The following NAALADL2 variants were observed in gnomAD, a reference collection of about 807,000 sequenced individuals.
The protein encoded by NAALADL2 is inactive N-acetylated-alpha-linked acidic dipeptidase-like protein 2.
Under a neutral mutation model 87.2 loss-of-function variants are expected in NAALADL2, and 76 were observed. The observed-to-expected ratio is 0.87, with a 90% CI of 0.72 to 1.05. NAALADL2 has a LOEUF of 1.05. Ranked by LOEUF, NAALADL2 falls within the 50% of genes least tolerant of loss-of-function variation. The pLI is 0.00. For synonymous variants in NAALADL2, 354 were observed against 331.0 expected (o/e 1.07, Z -0.75); for missense variants, 1,089 against 945.8 (o/e 1.15, Z -1.99).
chr3:174,890,744 T>C (rs1730769721), intron 1 of NAALADL2, among the ~76,000 whole-genome samples: 1 of 152,192 alleles, frequency 6.6e-6, no homozygotes, highest in Admixed American at 6.5e-5. Context: ...TTTGTTTATA[T>C]ATCATTTGAC....
chr3:174,736,480 C>T (rs1337903952), intron 2 of NAALADL2, among the ~76,000 whole-genome samples: 1 of 152,000 alleles, frequency 6.6e-6, no homozygotes, highest in Non-Finnish European at 1.5e-5. Flanking sequence ...AGAGAGGAGA[C>T]CCTGGAGTGG....
intron 2 of NAALADL2, among the ~76,000 whole-genome samples, chr3:175,190,601 GGT>G: frequency 6.6e-6 from 1 of 151,996 alleles, no homozygotes; most frequent in Admixed American, 6.6e-5. Context: ...TAGATGGTGC[GGT>G]CATTATGGAA....
At chr3:174,839,554 G>T (rs1187517164) in intron 3 of NAALADL2, among the ~76,000 whole-genome samples, 2 of 152,014 alleles carry the variant, frequency 1.3e-5, no homozygotes, top group East Asian at 3.9e-4. Context: ...AGAGTAACCA[G>T]ACAACCCACA....
At chr3:174,850,299 G>C (rs540921837) in intron 3 of NAALADL2, among the ~76,000 whole-genome samples, 3 of 151,832 alleles carry the variant, frequency 2.0e-5, no homozygotes, top group Admixed American at 2.0e-4. Context: ...TATGTTATTT[G>C]CCTCTTTTGC....
At chr3:174,464,740 T>C (rs767735952) in intron 1 of NAALADL2, among the ~76,000 whole-genome samples, 73 of 152,152 alleles carry the variant, frequency 4.8e-4, no homozygotes, top group Admixed American at 2.6e-3. Context: ...GCAATACATA[T>C]AGTAATTTAT....
intron 11 of NAALADL2, among the ~76,000 whole-genome samples, chr3:175,678,301 G>T (rs1163058219): frequency 6.6e-6 from 1 of 152,066 alleles, no homozygotes; most frequent in Non-Finnish European, 1.5e-5. Flanking sequence ...CCTGTCCCCT[G>T]AACCCAGTAA....
chr3:175,286,637 T>C (rs943415340), intron 4 of NAALADL2, among the ~76,000 whole-genome samples: 1 of 152,220 alleles, frequency 6.6e-6, no homozygotes, highest in Non-Finnish European at 1.5e-5. Context: ...TGTTTGATTG[T>C]TTCTGTAATA....
At chr3:174,642,230 G>A (rs1363646271) in intron 2 of NAALADL2, among the ~76,000 whole-genome samples, 1 of 152,034 alleles carries the variant, frequency 6.6e-6, no homozygotes, top group Admixed American at 6.5e-5. Context: ...TCCGGGCACA[G>A]TGGCTCACAC....
At position 175,379,044 on chromosome 3, in the gene NAALADL2, C is replaced by A. The variant is rs530770916; in HGVS notation, c.1090+54719C>A. 1.2e-4 allele frequency among the ~76,000 whole-genome samples: 18 copies of A among 152,206 alleles called. 1 individual carries two copies. Among genetic ancestry groups the A allele is most frequent in the African/African-American group, 3.4e-4 (14 of 41,520 alleles). On this transcript the variant is annotated intron_variant, in intron 5 of 13. Coordinates refer to ENST00000454872, the MANE Select transcript of NAALADL2 (RefSeq NM_207015.3). ...TGTTTCTACCACTGGAGAATAGGCC[C>A]ATGGGTGCTGAGTACAAAAGTAAGC...
At chr3:175,126,247 C>G (rs1349722663) in intron 2 of NAALADL2, among the ~76,000 whole-genome samples, 1 of 151,866 alleles carries the variant, frequency 6.6e-6, no homozygotes, top group Non-Finnish European at 1.5e-5. Context: ...ATAAAAGAGG[C>G]GATTGACTTA....
chr3:174,961,561 A>G (rs1332465285), intron 1 of NAALADL2, among the ~76,000 whole-genome samples: 1 of 152,062 alleles, frequency 6.6e-6, no homozygotes, highest in South Asian at 2.1e-4. Flanking sequence ...ACTAGAGGAG[A>G]TAGTGTAGAT....
At chr3:175,365,839 A>AT (rs1037989729) in intron 5 of NAALADL2, among the ~76,000 whole-genome samples, 1 of 146,870 alleles carries the variant, frequency 6.8e-6, no homozygotes, top group Non-Finnish European at 1.5e-5. Context: ...AAATAGTTAC[A>AT]TTTTTTTTAA....
chr3:175,536,875 T>C (rs1291908869), intron 9 of NAALADL2, among the ~76,000 whole-genome samples: 1 of 152,068 alleles, frequency 6.6e-6, no homozygotes, highest in African/African-American at 2.4e-5. Flanking sequence ...CCATCTACTC[T>C]GGAGCCTGAG....
At position 175,196,327 on chromosome 3, in the gene NAALADL2, A is replaced by C. The variant is rs542812538; in HGVS notation, c.546-37604A>C. Among the ~76,000 whole-genome samples, 102 of 151,982 alleles carry C rather than the reference A, an allele frequency of 6.7e-4. 1 individual carries two copies. The highest frequency in any genetic ancestry group is 6.2e-3 in the South Asian group (30 of 4,818). ...CTGGTGCATACCTCTGTTCCTTACT[A>C]GTAAATGTCCTTTGTAAGCATTGTT... is the stretch of plus-strand genomic sequence containing the variant. On this transcript the variant is annotated intron_variant, in intron 2 of 13. Coordinates refer to ENST00000454872, the MANE Select transcript of NAALADL2 (RefSeq NM_207015.3).
chr3:175,765,437 A>G (rs565269146), intron 13 of NAALADL2, among the ~76,000 whole-genome samples: 2 of 152,272 alleles, frequency 1.3e-5, no homozygotes, highest in African/African-American at 4.8e-5. Flanking sequence ...ATATTAGAAC[A>G]AAGAACATAC....
intron 1 of NAALADL2, among the ~76,000 whole-genome samples, chr3:174,537,412 T>C (rs1364925115): frequency 6.6e-6 from 1 of 152,182 alleles, no homozygotes; most frequent in Non-Finnish European, 1.5e-5. Context: ...ATGGACCAAT[T>C]AACAATATTC....
intron 4 of NAALADL2, among the ~76,000 whole-genome samples, chr3:175,293,063 A>AG (rs1560303196): frequency 6.8e-5 from 10 of 148,008 alleles, no homozygotes; most frequent in African/African-American, 2.0e-4. Context: ...AAAAAAAAAA[A>AG]GGGGGAACTC....
chr3:174,502,781 A>G (rs1578038597), intron 1 of NAALADL2, among the ~76,000 whole-genome samples: 1 of 152,264 alleles, frequency 6.6e-6, no homozygotes, highest in South Asian at 2.1e-4. Flanking sequence ...CTGTAATCCC[A>G]GCAATTTGGG....
intron 1 of NAALADL2, among the ~76,000 whole-genome samples, chr3:174,881,354 C>T (rs906260429): frequency 6.6e-6 from 1 of 151,972 alleles, no homozygotes; most frequent in Non-Finnish European, 1.5e-5. Context: ...TAAAATTTTT[C>T]AGGTTTTAGG....
Sources: allele counts gnomAD v4.1 joint callset (sites outside exome capture counted in the v4.1 genomes callset), GRCh38; gene constraint gnomAD v4.1.1; transcripts MANE v1.5; gene names NCBI Gene and HGNC (gene_info 2026-07-23, HGNC 2026-07-21).